Variants in ARHGAP39 observed in about 807,000 individuals in gnomAD.
ARHGAP39 encodes the protein Rho GTPase activating protein 39.
ARHGAP39 carries 44 observed loss-of-function variants against 106.9 expected under a neutral mutation model. The observed-to-expected ratio is 0.41, with a 90% CI of 0.32 to 0.53. The LOEUF (loss-of-function observed/expected upper bound fraction) is 0.53. ARHGAP39 is among the 20% of genes least tolerant of loss of function. The pLI is 0.21. For synonymous variants in ARHGAP39, 768 were observed against 693.2 expected (o/e 1.11, Z -1.69); for missense variants, 1,496 against 1,577.3 (o/e 0.95, Z 0.87).
the ARHGAP39 span, among the ~76,000 whole-genome samples, chr8:144,696,874 T>C: frequency 6.6e-6 from 1 of 152,188 alleles, no homozygotes; most frequent in African/African-American, 2.4e-5. Context: ...TCTGTATGGA[T>C]TTGAATGCTC....
At chr8:144,580,817 C>T (rs1355148167) in intron 3 of ARHGAP39, 29 bp downstream of exon 3, 1 of 1,502,590 alleles carries the variant, frequency 6.7e-7, no homozygotes, top group Admixed American at 2.1e-5. Flanking sequence ...TCACCTGGCC[C>T]CGCCCATAGC....
At chr8:144,537,941 G>A in intron 6 of ARHGAP39, 128 bp from the exon 7 acceptor site, 1 of 783,442 alleles carries the variant, frequency 1.3e-6, no homozygotes, top group Non-Finnish European at 2.1e-6. Context: ...GCAGCTGGGG[G>A]CTGAGCGTTT....
chr8:144,589,850 C>T (rs2130913437), intron 2 of ARHGAP39, among the ~76,000 whole-genome samples: 1 of 152,372 alleles, frequency 6.6e-6, no homozygotes, highest in African/African-American at 2.4e-5. Flanking sequence ...CCGCCTCCTC[C>T]AGAAGCCTTA....
intron 3 of ARHGAP39, among the ~76,000 whole-genome samples, chr8:144,575,700 G>T (rs1308822259): frequency 1.3e-5 from 2 of 152,102 alleles, no homozygotes; most frequent in African/African-American, 2.4e-5. Context: ...CACGCTAAAT[G>T]ATAAAAACTA....
At chr8:144,668,373 T>G (rs1401191334) in intron 1 of ARHGAP39, among the ~76,000 whole-genome samples, 3 of 152,248 alleles carry the variant, frequency 2.0e-5, no homozygotes, top group South Asian at 4.1e-4. Flanking sequence ...CCCAGGAGGT[T>G]GAGGCTGCAG....
At chr8:144,611,477 A>G (rs934812963) in intron 1 of ARHGAP39, among the ~76,000 whole-genome samples, 2 of 152,196 alleles carry the variant, frequency 1.3e-5, no homozygotes, top group African/African-American at 4.8e-5. Flanking sequence ...GGATTTGTCT[A>G]CTTCTCTTTG....
rs1200286940 is a variant in ARHGAP39 at position 144,591,246 on chromosome 8, C to T, written c.81-9969G>A. Reference sequence around the variant, plus strand: ...CCAATGGACAGCTGCTCTGTGCTCCCGTGAGCACAGACCTGCAGGGGAGGG... The same window carrying T: ...CCAATGGACAGCTGCTCTGTGCTCCTGTGAGCACAGACCTGCAGGGGAGGG... On this transcript the variant is annotated intron_variant, in intron 2 of 11. Coordinates refer to ENST00000377307, the MANE Select transcript of ARHGAP39 (RefSeq NM_025251.3). This position sits in a 1 kb window ranked among gnomAD's most constrained non-coding sequence, Gnocchi z 5.3. Among the ~76,000 whole-genome samples the T allele has an allele frequency of 6.6e-6, 1 of 152,198 alleles. No individual in the cohort carries two copies. Among genetic ancestry groups the T allele is most frequent in the African/African-American group, 2.4e-5 (1 of 41,442 alleles).
At chr8:144,616,186 C>T (rs183594632) in intron 1 of ARHGAP39, among the ~76,000 whole-genome samples, 17 of 152,330 alleles carry the variant, frequency 1.1e-4, no homozygotes, top group African/African-American at 3.4e-4. Context: ...GTGACAAGTT[C>T]CTGAGAGAGG....
intron 1 of ARHGAP39, among the ~76,000 whole-genome samples, chr8:144,672,424 C>T (rs1822122836): frequency 6.6e-6 from 1 of 152,170 alleles, no homozygotes; most frequent in African/African-American, 2.4e-5. Flanking sequence ...GTTGGGGCCT[C>T]TAGTAGTTTA....
chr8:144,664,099 G>A (rs530241033), intron 1 of ARHGAP39, among the ~76,000 whole-genome samples: 10 of 152,180 alleles, frequency 6.6e-5, no homozygotes, highest in South Asian at 2.1e-4. Context: ...CCCAGGAGGC[G>A]GAGGCTGCAG....
At chr8:144,637,567 G>A (rs1000029231) in intron 1 of ARHGAP39, among the ~76,000 whole-genome samples, 2 of 152,186 alleles carry the variant, frequency 1.3e-5, no homozygotes, top group African/African-American at 2.4e-5. Flanking sequence ...CCAAGGTCAC[G>A]CCACTGCACT....
At chr8:144,612,175 G>A (rs2130956949) in intron 1 of ARHGAP39, among the ~76,000 whole-genome samples, 1 of 146,290 alleles carries the variant, frequency 6.8e-6, no homozygotes, top group South Asian at 2.3e-4. Context: ...AGTGAGGTGA[G>A]CCACGGCTGC....
chr8:144,563,576 G>A (rs1458152880), intron 3 of ARHGAP39, among the ~76,000 whole-genome samples: 10 of 151,762 alleles, frequency 6.6e-5, no homozygotes, highest in African/African-American at 1.7e-4. Context: ...CACTTGAGAC[G>A]AGGAGTTCAA....
intron 2 of ARHGAP39, among the ~76,000 whole-genome samples, chr8:144,584,500 G>T (rs77777854): frequency 4.7e-5 from 7 of 148,708 alleles, no homozygotes; most frequent in East Asian, 2.0e-4. Context: ...CGGTGGCTCA[G>T]GCCTGTAATC....
intron 2 of ARHGAP39, among the ~76,000 whole-genome samples, chr8:144,600,613 C>T (rs1222629326): frequency 7.3e-6 from 1 of 136,388 alleles, no homozygotes; most frequent in Non-Finnish European, 1.5e-5. Context: ...TTCGTGGAGG[C>T]GTGCGTGCGC....
intron 4 of ARHGAP39, among the ~76,000 whole-genome samples, chr8:144,555,187 T>C (rs1817869747): frequency 6.6e-6 from 1 of 152,246 alleles, no homozygotes; most frequent in Non-Finnish European, 1.5e-5. Context: ...ACCCCTCCAC[T>C]GTGATTAGCG....
chr8:144,674,656 C>T (rs1192207203), intron 1 of ARHGAP39, among the ~76,000 whole-genome samples: 2 of 152,212 alleles, frequency 1.3e-5, no homozygotes, highest in Admixed American at 6.5e-5. Flanking sequence ...TGTCTGCCTC[C>T]TGCTACCATC....
intron 1 of ARHGAP39, among the ~76,000 whole-genome samples, chr8:144,618,249 G>C (rs1820690023): frequency 6.6e-6 from 1 of 152,206 alleles, no homozygotes; most frequent in Admixed American, 6.5e-5. Context: ...CCCAGACTGG[G>C]GTCCTGGTGT....
At chr8:144,530,649 C>A (rs768611035) in intron 11 of ARHGAP39, 33 bp from the exon 12 acceptor site, 1 of 134,160 alleles carries the variant, frequency 7.5e-6, no homozygotes, top group East Asian at 4.7e-4. Context: ...CGCGGAGGGG[C>A]GGGGGCGGGG....
Sources: gnomAD v4.1 joint callset for allele counts (sites outside exome capture counted in the v4.1 genomes callset) on GRCh38, gnomAD v4.1.1 for gene constraint, Gnocchi (gnomAD v3.1) non-coding constraint, MANE v1.5 for transcripts, NCBI Gene and HGNC (gene_info 2026-07-23, HGNC 2026-07-21) for gene names.